PIP4K2A: variants seen among roughly 807,000 people sequenced by gnomAD.
PIP4K2A encodes phosphatidylinositol 5-phosphate 4-kinase type-2 alpha.
A neutral mutation model predicts 42.9 loss-of-function variants in PIP4K2A; 14 were observed. The ratio of observed to expected loss-of-function variants is 0.33; its 90% CI spans 0.22 to 0.51. PIP4K2A has a LOEUF of 0.51. Ranked by LOEUF, PIP4K2A falls within the 20% of genes least tolerant of loss-of-function variation. PIP4K2A has a pLI of 0.97. For missense variants in PIP4K2A, 434 were observed against 519.8 expected, an observed-to-expected ratio of 0.83 and a Z score of 1.61; for synonymous variants, 192 against 192.2, an observed-to-expected ratio of 1.00 and a Z score of 0.01.
chr10:22,673,179 T>C (rs1839488767), intron 1 of PIP4K2A, among the ~76,000 whole-genome samples: 1 of 152,210 alleles, frequency 6.6e-6, no homozygotes. Flanking sequence ...CCAGGAAGTC[T>C]TTCCCATTAC....
At chr10:22,561,441 C>T (rs1360275057) in intron 6 of PIP4K2A, among the ~76,000 whole-genome samples, 1 of 151,850 alleles carries the variant, frequency 6.6e-6, no homozygotes, top group Non-Finnish European at 1.5e-5. Flanking sequence ...CAGTTTCAAA[C>T]TTGTCATCAA....
At chr10:22,681,008 AAC>A (rs1839649036) in intron 1 of PIP4K2A, among the ~76,000 whole-genome samples, 1 of 152,144 alleles carries the variant, frequency 6.6e-6, no homozygotes, top group South Asian at 2.1e-4. Flanking sequence ...AGATGCAACT[AAC>A]CTGAATAAGG....
At chr10:22,561,947 C>T (rs1219752767) in intron 6 of PIP4K2A, among the ~76,000 whole-genome samples, 1 of 152,110 alleles carries the variant, frequency 6.6e-6, no homozygotes, top group Non-Finnish European at 1.5e-5. Context: ...ATATAATATT[C>T]TTGCAAATCA....
intron 1 of PIP4K2A, among the ~76,000 whole-genome samples, chr10:22,617,139 C>T (rs1014080575): frequency 2.6e-5 from 4 of 152,208 alleles, no homozygotes; most frequent in Admixed American, 6.5e-5. Context: ...AAGTTCCCTC[C>T]AACACTGCAA....
intron 1 of PIP4K2A, among the ~76,000 whole-genome samples, chr10:22,643,419 A>G (rs1838819144): frequency 1.3e-5 from 2 of 152,138 alleles, no homozygotes; most frequent in African/African-American, 4.8e-5. Context: ...TTTTTGCAGA[A>G]AAAGTTTGCT....
chr10:22,611,438 G>C (rs1838036434), intron 1 of PIP4K2A, among the ~76,000 whole-genome samples: 1 of 150,082 alleles, frequency 6.7e-6, no homozygotes, highest in South Asian at 2.1e-4. Flanking sequence ...AAAAAAAGCA[G>C]AATACTCAAA....
At chr10:22,687,877 TGCGGAACATGC>T (rs1394512189) in intron 1 of PIP4K2A, among the ~76,000 whole-genome samples, 1 of 152,200 alleles carries the variant, frequency 6.6e-6, no homozygotes, top group Non-Finnish European at 1.5e-5. Flanking sequence ...GATCTGCAAA[TGCGGAACATGC>T]AGATACAAAG....
Position 22,536,821 on chromosome 10 carries a change from T to TTCAC in PIP4K2A, c.*376_*379dup, listed in dbSNP as rs148835349. ...CTCCCCTCCCCCACACGTGTGTTCA[T>TTCAC]TCACTCACTCACTCACTCACTCATT... is the stretch of plus-strand genomic sequence containing the variant. On this transcript the variant is annotated 3_prime_UTR_variant, in exon 10 of 10. Transcript: ENST00000376573. The TTCAC allele has an allele frequency of 6.3e-3, 983 of 156,950 alleles. 8 individuals carry two copies. Among genetic ancestry groups the TTCAC allele is most frequent in the African/African-American group, 0.022 (897 of 40,648 alleles). 9.7% of individuals were successfully genotyped at this position (156,950 alleles called of 1,614,324 possible). A position where few individuals can be genotyped will look rare whatever the true frequency, so the allele number is the denominator to read the frequency against.
At chr10:22,712,914 GT>G (rs1833936346) in intron 1 of PIP4K2A, among the ~76,000 whole-genome samples, 1 of 82,524 alleles carries the variant, frequency 1.2e-5, no homozygotes, top group African/African-American at 8.3e-5. Context: ...TACATTGAGG[GT>G]GTGTGTGTGT....
intron 5 of PIP4K2A, among the ~76,000 whole-genome samples, chr10:22,570,354 G>A (rs1836955584): frequency 6.6e-6 from 1 of 152,240 alleles, no homozygotes; most frequent in Non-Finnish European, 1.5e-5. Context: ...TGACTTTAGA[G>A]GTCACTCTGG....
chr10:22,682,417 A>C (rs1175719320), intron 1 of PIP4K2A, among the ~76,000 whole-genome samples: 1 of 152,216 alleles, frequency 6.6e-6, no homozygotes, highest in African/African-American at 2.4e-5. Context: ...AGCAATCTAA[A>C]AATTAGGAAA....
At chr10:22,648,962 C>G (rs1445713566) in intron 1 of PIP4K2A, among the ~76,000 whole-genome samples, 1 of 152,196 alleles carries the variant, frequency 6.6e-6, no homozygotes, top group African/African-American at 2.4e-5. Flanking sequence ...ATCATACTTT[C>G]AAGAATTAAC....
intron 3 of PIP4K2A, among the ~76,000 whole-genome samples, chr10:22,595,727 A>C (rs1292045599): frequency 2.0e-5 from 3 of 152,122 alleles, no homozygotes; most frequent in Non-Finnish European, 2.9e-5. Context: ...ACCGCACTCC[A>C]ACCTGAGCAG....
chr10:22,561,254 G>A (rs1242087361), intron 6 of PIP4K2A, among the ~76,000 whole-genome samples: 2 of 152,036 alleles, frequency 1.3e-5, no homozygotes, highest in Non-Finnish European at 2.9e-5. Flanking sequence ...CAAGACATCT[G>A]TACATGCATG....
intron 1 of PIP4K2A, among the ~76,000 whole-genome samples, chr10:22,619,697 A>G (rs1437795822): frequency 1.3e-5 from 2 of 152,172 alleles, no homozygotes; most frequent in East Asian, 1.9e-4. Flanking sequence ...TTGGCCTCCC[A>G]AAGTGCTGGG....
At chr10:22,648,271 A>G (rs577225710) in intron 1 of PIP4K2A, among the ~76,000 whole-genome samples, 1 of 152,258 alleles carries the variant, frequency 6.6e-6, no homozygotes, top group Admixed American at 6.5e-5. Context: ...AAATATTCAG[A>G]CAACCAAAAA....
chr10:22,642,402 G>GA (rs926952065), intron 1 of PIP4K2A, among the ~76,000 whole-genome samples: 27 of 152,116 alleles, frequency 1.8e-4, no homozygotes, highest in Admixed American at 7.8e-4. Flanking sequence ...GGATAGGCTG[G>GA]AAAAATCAAC....
chr10:22,588,897 T>C (rs912543764), intron 4 of PIP4K2A, among the ~76,000 whole-genome samples: 1 of 152,234 alleles, frequency 6.6e-6, no homozygotes, highest in East Asian at 1.9e-4. Flanking sequence ...AACAATTTTG[T>C]AGCAGTGGAA....
At chr10:22,691,178 T>A (rs2130898954) in intron 1 of PIP4K2A, among the ~76,000 whole-genome samples, 1 of 152,298 alleles carries the variant, frequency 6.6e-6, no homozygotes, top group East Asian at 1.9e-4. Flanking sequence ...CAAATGCAAT[T>A]CAGGATGGCA....
Sources: gnomAD v4.1 joint callset for allele counts (sites outside exome capture counted in the v4.1 genomes callset) on GRCh38, gnomAD v4.1.1 for gene constraint, MANE v1.5 for transcripts, NCBI Gene and HGNC (gene_info 2026-07-23, HGNC 2026-07-21) for gene names.